The following SPPL3 variants were observed in gnomAD, a reference collection of about 807,000 sequenced individuals.
SPPL3 encodes signal peptide peptidase-like 3.
A neutral mutation model predicts 42.4 loss-of-function variants in SPPL3; 5 were observed. The ratio of observed to expected loss-of-function variants is 0.12; its 90% CI spans 0.06 to 0.25. The LOEUF is 0.25. Among genes scored for constraint, SPPL3 ranks in the 10% least tolerant of loss-of-function variants. The pLI is 1.00. For missense variants in SPPL3, 235 were observed against 489.0 expected (o/e 0.48, Z 4.90); for synonymous variants, 195 against 181.8 (o/e 1.07, Z -0.58).
chr12:120,784,337 G>A (rs930389252), intron 4 of SPPL3, 137 bp downstream of exon 4: 1 of 851,156 alleles, frequency 1.2e-6, no homozygotes, highest in African/African-American at 1.7e-5. Context: ...GCGTGGTTGA[G>A]ACGGAGAAGG....
At chr12:120,879,114 A>C in intron 1 of SPPL3, among the ~76,000 whole-genome samples, 1 of 20,262 alleles carries the variant, frequency 4.9e-5, no homozygotes, top group South Asian at 6.3e-3. Context: ...ACTCTGTCTC[A>C]AAAAAAAAAA....
chr12:120,899,992 T>C (rs555775308), intron 1 of SPPL3, among the ~76,000 whole-genome samples: 79 of 151,500 alleles, frequency 5.2e-4, no homozygotes, highest in African/African-American at 1.8e-3. Context: ...AGGATTTTGA[T>C]AGAATTTGCT....
chr12:120,813,979 C>A (rs10849794), intron 1 of SPPL3, among the ~76,000 whole-genome samples: 16,057 of 151,812 alleles, frequency 0.11, 1,054 homozygotes, highest in East Asian at 0.3. Context: ...AGACACTGCT[C>A]AAAAAAACTC....
intron 1 of SPPL3, among the ~76,000 whole-genome samples, chr12:120,841,152 C>A (rs1204619209): frequency 6.6e-6 from 1 of 151,932 alleles, no homozygotes; most frequent in East Asian, 1.9e-4. Flanking sequence ...ATGGAGAAAC[C>A]CCATCTCTAC....
At chr12:120,866,399 C>G (rs1283927628) in intron 1 of SPPL3, among the ~76,000 whole-genome samples, 2 of 152,010 alleles carry the variant, frequency 1.3e-5, no homozygotes, top group Non-Finnish European at 2.9e-5. Flanking sequence ...TCCTATTACG[C>G]AAGGTTGGGA....
intron 2 of SPPL3, among the ~76,000 whole-genome samples, chr12:120,795,878 A>G (rs1443361217): frequency 6.6e-6 from 1 of 152,168 alleles, no homozygotes; most frequent in Non-Finnish European, 1.5e-5. Context: ...CTAATGTTCA[A>G]TGATAGCTCC....
chr12:120,766,912 G>C (rs1868930223), intron 9 of SPPL3, among the ~76,000 whole-genome samples: 1 of 152,228 alleles, frequency 6.6e-6, no homozygotes, highest in Non-Finnish European at 1.5e-5. Flanking sequence ...TCCAGTCACT[G>C]TGCGGGAGCA....
chr12:120,838,568 T>C (rs1871697644), intron 1 of SPPL3, among the ~76,000 whole-genome samples: 1 of 152,242 alleles, frequency 6.6e-6, no homozygotes, highest in African/African-American at 2.4e-5. Context: ...AGCTACTCTA[T>C]TGGAAAAACT....
chr12:120,836,304 C>T (rs1166865653), intron 1 of SPPL3, among the ~76,000 whole-genome samples: 1 of 152,098 alleles, frequency 6.6e-6, no homozygotes, highest in Non-Finnish European at 1.5e-5. Context: ...TAGCAGGCTC[C>T]ACTTTTGCTT....
intron 1 of SPPL3, among the ~76,000 whole-genome samples, chr12:120,851,822 T>C (rs1049047149): frequency 3.9e-5 from 6 of 152,146 alleles, no homozygotes; most frequent in Non-Finnish European, 7.4e-5. Flanking sequence ...TAGGCTGGAC[T>C]TGAACTCCTG....
At chr12:120,875,653 T>A (rs1593006663) in intron 1 of SPPL3, among the ~76,000 whole-genome samples, 2 of 143,666 alleles carry the variant, frequency 1.4e-5, no homozygotes, top group Admixed American at 6.9e-5. Flanking sequence ...TAAAATGGAA[T>A]CACAAAAATA....
At chr12:120,847,073 T>C (rs1201767005) in intron 1 of SPPL3, among the ~76,000 whole-genome samples, 1 of 152,180 alleles carries the variant, frequency 6.6e-6, no homozygotes, top group Non-Finnish European at 1.5e-5. Context: ...TAAACCCAGA[T>C]AAATGAAGTT....
chr12:120,866,663 AAC>A (rs1872762667), intron 1 of SPPL3, among the ~76,000 whole-genome samples: 1 of 152,246 alleles, frequency 6.6e-6, no homozygotes, highest in African/African-American at 2.4e-5. Context: ...CATTTCTCAA[AAC>A]AGTTACATAC....
chr12:120,872,438 C>G (rs563100716), intron 1 of SPPL3, among the ~76,000 whole-genome samples: 1 of 152,236 alleles, frequency 6.6e-6, no homozygotes, highest in East Asian at 1.9e-4. Flanking sequence ...AAACTTAAAG[C>G]CTGGAGACAA....
intron 2 of SPPL3, among the ~76,000 whole-genome samples, chr12:120,807,203 C>T (rs1368007414): frequency 6.6e-6 from 1 of 152,024 alleles, no homozygotes; most frequent in Non-Finnish European, 1.5e-5. Context: ...GAAATACAAC[C>T]CAAACCACTA....
Position 120,841,147 on chromosome 12 carries a change from G to T in SPPL3, c.24-30261C>A, listed in dbSNP as rs569061578. On this transcript the variant is annotated intron_variant, in intron 1 of 10. Coordinates refer to ENST00000353487, the MANE Select transcript of SPPL3 (RefSeq NM_139015.5). ...TCGAGACCAGCCTGACCAACATGGA[G>T]AAACCCCATCTCTACTAAAAATACA... Among the ~76,000 whole-genome samples the T allele has an allele frequency of 2.6e-4, 40 of 152,014 alleles. No individual in the cohort carries two copies. In the South Asian group the frequency reaches 8.1e-3, roughly 31 times the overall value.
intron 2 of SPPL3, among the ~76,000 whole-genome samples, chr12:120,803,215 T>TATGG (rs1451061888): frequency 8.5e-5 from 13 of 152,356 alleles, no homozygotes; most frequent in African/African-American, 2.6e-4. Context: ...GTGCTGGCAT[T>TATGG]ATGGTATGCA....
At chr12:120,815,277 T>C (rs1023804312) in intron 1 of SPPL3, among the ~76,000 whole-genome samples, 1 of 152,206 alleles carries the variant, frequency 6.6e-6, no homozygotes, top group African/African-American at 2.4e-5. Context: ...CCAAAGTGAG[T>C]ATTGTCTAAC....
At chr12:120,807,413 T>C (rs1242645024) in intron 2 of SPPL3, among the ~76,000 whole-genome samples, 3 of 152,082 alleles carry the variant, frequency 2.0e-5, no homozygotes, top group African/African-American at 7.2e-5. Context: ...CGGTGGCTCA[T>C]GCCTGTAATC....
Sources: allele counts gnomAD v4.1 joint callset (sites outside exome capture counted in the v4.1 genomes callset), GRCh38; gene constraint gnomAD v4.1.1; transcripts MANE v1.5; gene names NCBI Gene and HGNC (gene_info 2026-07-23, HGNC 2026-07-21).